The following CAAP1 variants were observed in gnomAD, a reference collection of about 807,000 sequenced individuals.
CAAP1 encodes the protein caspase activity and apoptosis inhibitor 1.
Under a neutral mutation model 34.0 loss-of-function variants are expected in CAAP1, and 20 were observed. The ratio of observed to expected loss-of-function variants is 0.59; its 90% CI spans 0.41 to 0.86. The LOEUF is 0.86. Ranked by LOEUF, CAAP1 falls within the 40% of genes least tolerant of loss-of-function variation. The pLI, the probability that CAAP1 is intolerant of heterozygous loss-of-function variation, is 0.00. For missense variants in CAAP1, 538 were observed against 450.5 expected, an observed-to-expected ratio of 1.19 and a Z score of -1.76; for synonymous variants, 213 against 166.7, an observed-to-expected ratio of 1.28 and a Z score of -2.14.
intron 3 of CAAP1, among the ~76,000 whole-genome samples, chr9:26,885,824 A>AT (rs531390492): frequency 0.036 from 5,514 of 152,194 alleles, 162 homozygotes; most frequent in South Asian, 0.1. Flanking sequence ...CCAATAATTA[A>AT]TTTTTTTACA....
At chr9:26,889,433 A>G (rs946885190) in intron 1 of CAAP1, among the ~76,000 whole-genome samples, 6 of 152,102 alleles carry the variant, frequency 3.9e-5, no homozygotes. Context: ...AAACAAAAAC[A>G]AAAACAAAAA....
chr9:26,892,128 C>T, intron 1 of CAAP1: 4 of 707,930 alleles, frequency 5.7e-6, no homozygotes, highest in South Asian at 4.0e-5. Context: ...AACTCGTATT[C>T]TTCCGGCAGA....
chr9:26,842,356 C>G lies in CAAP1; in HGVS notation c.1031G>C (p.Arg344Thr). 1.2e-6 allele frequency: 2 copies of G among 1,613,626 alleles called. No individual in the cohort carries two copies. Among genetic ancestry groups the G allele is most frequent in the Non-Finnish European group, 1.7e-6 (2 of 1,179,848 alleles). The change falls in exon 6 of 6, where the codon AGG becomes ACG. Residue 344 changes from arginine to threonine, a missense_variant. Transcript: ENST00000333916. ...QQLELLELEM[R>T]ARAIKALMKA... is the part of the protein sequence containing the mutation. ...CATTAGGGCTTTAATCGCTCTTGCC[C>G]TCATCTCAAGTTCTAGCAGCTCCAG...
chr9:26,868,089 G>C (rs544003353), intron 4 of CAAP1, among the ~76,000 whole-genome samples: 1 of 152,134 alleles, frequency 6.6e-6, no homozygotes, highest in African/African-American at 2.4e-5. Flanking sequence ...GCTTTTATTT[G>C]AAAGTCAATA....
chr9:26,870,868 C>T (rs941401030), intron 4 of CAAP1, among the ~76,000 whole-genome samples: 6 of 152,076 alleles, frequency 3.9e-5, no homozygotes, highest in South Asian at 2.1e-4. Flanking sequence ...CCACCCGCTT[C>T]GGCCCCCTAA....
intron 5 of CAAP1, among the ~76,000 whole-genome samples, chr9:26,860,504 T>C (rs1472354727): frequency 6.6e-6 from 1 of 152,076 alleles, no homozygotes; most frequent in East Asian, 1.9e-4. Context: ...TATAAATTAC[T>C]AAAATAGGCC....
At chr9:26,884,696 C>T in intron 4 of CAAP1, 114 bp downstream of exon 4, 1 of 797,508 alleles carries the variant, frequency 1.3e-6, no homozygotes, top group Non-Finnish European at 2.1e-6. Flanking sequence ...CTTTCTATAC[C>T]ACTGAATGAT....
intron 3 of CAAP1, 36 bp downstream of exon 3, chr9:26,886,068 A>G (rs1823731194): frequency 1.8e-6 from 2 of 1,085,162 alleles, no homozygotes; most frequent in African/African-American, 1.6e-5. Flanking sequence ...AGTATTAACT[A>G]AGAAGTTGCC....
intron 5 of CAAP1, 75 bp downstream of exon 5, chr9:26,860,991 T>C (rs1822990707): frequency 1.8e-5 from 20 of 1,110,986 alleles, no homozygotes; most frequent in Non-Finnish European, 2.5e-5. Context: ...AGTTAGACAC[T>C]GAAAATTTAT....
At position 26,842,190 on chromosome 9, in the gene CAAP1, A is replaced by C; in HGVS notation, c.*111T>G. ...TAATTTAGGGCTAAAATGAGTCCTA[A>C]TAAGGGTTACATGAGAAATAACATA... On this transcript the variant is annotated 3_prime_UTR_variant, in exon 6 of 6. Coordinates refer to ENST00000333916, the MANE Select transcript of CAAP1 (RefSeq NM_024828.4). 1 of 833,688 alleles carries C rather than the reference A, an allele frequency of 1.2e-6. No individual in the cohort carries two copies. Among genetic ancestry groups the C allele is most frequent in the Non-Finnish European group, 1.8e-6 (1 of 548,234 alleles). The allele number at this position is 833,688 out of a possible 1,614,324, so 51.6% of individuals were successfully genotyped here.
intron 5 of CAAP1, among the ~76,000 whole-genome samples, chr9:26,845,663 C>G (rs1822582274): frequency 6.6e-6 from 1 of 152,158 alleles, no homozygotes; most frequent in Non-Finnish European, 1.5e-5. Context: ...TATGAGCCAC[C>G]ACGCCTGGCC....
chr9:26,865,040 T>C (rs12352229), intron 4 of CAAP1, among the ~76,000 whole-genome samples: 3 of 152,172 alleles, frequency 2.0e-5, no homozygotes, highest in Non-Finnish European at 2.9e-5. Context: ...AAGCACAGTC[T>C]GCTCTTTATA....
At chr9:26,862,323 G>C (rs996998502) in intron 4 of CAAP1, among the ~76,000 whole-genome samples, 7 of 151,890 alleles carry the variant, frequency 4.6e-5, no homozygotes, top group African/African-American at 1.7e-4. Flanking sequence ...GGGAGCATTA[G>C]TCTTAAGTAT....
At chr9:26,844,386 G>T (rs978607271) in intron 5 of CAAP1, among the ~76,000 whole-genome samples, 25 of 152,084 alleles carry the variant, frequency 1.6e-4, no homozygotes, top group African/African-American at 5.6e-4. Context: ...GTGCTAAGTT[G>T]TTCACAGCCT....
At chr9:26,868,205 C>T (rs1432978685) in intron 4 of CAAP1, among the ~76,000 whole-genome samples, 1 of 151,958 alleles carries the variant, frequency 6.6e-6, no homozygotes, top group Non-Finnish European at 1.5e-5. Flanking sequence ...TGAATGTTAC[C>T]TCATACGGCA....
Position 26,871,847 on chromosome 9 carries a change from G to C in CAAP1, c.666-10708C>G, listed in dbSNP as rs572805998. ...AAGAATCACTTGAACTTGGGAGGCG[G>C]AGGTTGCAGTGAGCCAAGATCATGC... On this transcript the variant is annotated intron_variant, in intron 4 of 5. Transcript: ENST00000333916. Among the ~76,000 whole-genome samples the C allele has an allele frequency of 7.9e-5, 12 of 152,008 alleles. No homozygotes were observed. In the South Asian group the frequency reaches 2.3e-3, roughly 29 times the overall value.
intron 4 of CAAP1, among the ~76,000 whole-genome samples, chr9:26,874,169 T>C (rs1285694499): frequency 7.2e-5 from 9 of 124,184 alleles, no homozygotes; most frequent in African/African-American, 2.9e-4. Flanking sequence ...ATCACACCAC[T>C]GCACTCAAGC....
chr9:26,874,138 T>C (rs1587115878), intron 4 of CAAP1, among the ~76,000 whole-genome samples: 1 of 127,884 alleles, frequency 7.8e-6, no homozygotes, highest in African/African-American at 3.1e-5. Flanking sequence ...ACCCGGGAGG[T>C]GGAACTTGCA....
intron 5 of CAAP1, among the ~76,000 whole-genome samples, chr9:26,850,162 T>A (rs1055586846): frequency 6.6e-6 from 1 of 152,174 alleles, no homozygotes; most frequent in African/African-American, 2.4e-5. Flanking sequence ...AACAAAACTT[T>A]ATGAAGACTT....
Sources: allele counts gnomAD v4.1 joint callset (sites outside exome capture counted in the v4.1 genomes callset), GRCh38; gene constraint gnomAD v4.1.1; transcripts MANE v1.5; gene names NCBI Gene and HGNC (gene_info 2026-07-23, HGNC 2026-07-21).